Variants in CCDC85A observed in about 807,000 individuals in gnomAD.
The protein encoded by CCDC85A is coiled-coil domain-containing protein 85A.
CCDC85A carries 38 observed loss-of-function variants against 50.2 expected under a neutral mutation model. The ratio of observed to expected loss-of-function variants is 0.76; its 90% confidence interval spans 0.58 to 0.99. The LOEUF is 0.99. Among genes scored for constraint, CCDC85A ranks in the 50% least tolerant of loss-of-function variants. The pLI, the probability that CCDC85A is intolerant of heterozygous loss-of-function variation, is 0.00. For synonymous variants in CCDC85A, 366 were observed against 301.4 expected, an observed-to-expected ratio of 1.21 and a Z score of -2.22; for missense variants, 820 against 742.0, an observed-to-expected ratio of 1.11 and a Z score of -1.22.
intron 3 of CCDC85A, among the ~76,000 whole-genome samples, chr2:56,364,098 A>G (rs1031642034): frequency 6.6e-6 from 1 of 152,212 alleles, no homozygotes; most frequent in Non-Finnish European, 1.5e-5. Flanking sequence ...CTCATTGCCT[A>G]GAAGTAGTTG....
At chr2:56,276,237 A>T (rs903921684) in intron 2 of CCDC85A, among the ~76,000 whole-genome samples, 2 of 152,168 alleles carry the variant, frequency 1.3e-5, no homozygotes, top group Non-Finnish European at 2.9e-5. Context: ...ATTGGCTAAC[A>T]AGGTTATGGA....
chr2:56,211,678 C>T (rs1340729517), intron 2 of CCDC85A, among the ~76,000 whole-genome samples: 2 of 152,042 alleles, frequency 1.3e-5, no homozygotes, highest in African/African-American at 4.8e-5. Flanking sequence ...CTATCCCAGA[C>T]TCTTCCTTAT....
At chr2:56,284,942 A>G (rs72927170) in intron 2 of CCDC85A, among the ~76,000 whole-genome samples, 6,659 of 152,096 alleles carry the variant, frequency 0.044, 468 homozygotes, top group African/African-American at 0.15. Context: ...GATTATTTGC[A>G]TGGTATATAT....
At chr2:56,340,549 C>A (rs1228345816) in intron 2 of CCDC85A, among the ~76,000 whole-genome samples, 1 of 152,208 alleles carries the variant, frequency 6.6e-6, no homozygotes, top group East Asian at 1.9e-4. Flanking sequence ...GAAGCCGAGG[C>A]AAGTTTTAGA....
intron 2 of CCDC85A, among the ~76,000 whole-genome samples, chr2:56,201,133 C>T (rs1480241734): frequency 6.6e-6 from 1 of 151,012 alleles, no homozygotes; most frequent in Non-Finnish European, 1.5e-5. Context: ...CACGTACATA[C>T]ACACAGCATT....
chr2:56,359,266 A>G (rs1339410247), intron 3 of CCDC85A, among the ~76,000 whole-genome samples: 1 of 152,046 alleles, frequency 6.6e-6, no homozygotes, highest in South Asian at 2.1e-4. Flanking sequence ...GAGGCAAGGT[A>G]TTTTTTTCTA....
chr2:56,275,903 T>G (rs973816404), intron 2 of CCDC85A, among the ~76,000 whole-genome samples: 3 of 152,270 alleles, frequency 2.0e-5, no homozygotes, highest in Admixed American at 2.0e-4. Context: ...GACCTTTTGT[T>G]TTGGTATTTT....
intron 2 of CCDC85A, among the ~76,000 whole-genome samples, chr2:56,202,457 G>A (rs1421203264): frequency 6.6e-6 from 1 of 152,118 alleles, no homozygotes; most frequent in Non-Finnish European, 1.5e-5. Flanking sequence ...TCTGACCTTA[G>A]TCTGGTCCTT....
chr2:56,303,845 A>G (rs1305580952), intron 2 of CCDC85A, among the ~76,000 whole-genome samples: 1 of 152,128 alleles, frequency 6.6e-6, no homozygotes, highest in Non-Finnish European at 1.5e-5. Flanking sequence ...TGGACAAGCA[A>G]TATGTTGGTT....
At chr2:56,294,765 A>C (rs1330657244) in intron 2 of CCDC85A, among the ~76,000 whole-genome samples, 1 of 152,172 alleles carries the variant, frequency 6.6e-6, no homozygotes, top group Non-Finnish European at 1.5e-5. Context: ...TGCAGAGGAG[A>C]ACTGCCAGAA....
At chr2:56,284,170 A>G (rs566080748) in intron 2 of CCDC85A, among the ~76,000 whole-genome samples, 135 of 152,186 alleles carry the variant, frequency 8.9e-4, no homozygotes, top group African/African-American at 3.1e-3. Context: ...GCATTGCTAG[A>G]TATCCTTATT....
intron 2 of CCDC85A, among the ~76,000 whole-genome samples, chr2:56,298,404 A>T (rs1471583958): frequency 6.6e-6 from 1 of 152,196 alleles, no homozygotes; most frequent in African/African-American, 2.4e-5. Context: ...CAATCAAATT[A>T]TAGGCTGCGT....
At chr2:56,256,760 T>TA (rs1376270325) in intron 2 of CCDC85A, among the ~76,000 whole-genome samples, 1 of 152,228 alleles carries the variant, frequency 6.6e-6, no homozygotes, top group Non-Finnish European at 1.5e-5. Context: ...GACTGCCACT[T>TA]ACATTTGGTA....
At position 56,352,072 on chromosome 2, in the gene CCDC85A, G is replaced by A. The variant is rs188782080; in HGVS notation, c.1317+9117G>A. On this transcript the variant is annotated intron_variant, in intron 3 of 5. Coordinates refer to ENST00000407595, the MANE Select transcript of CCDC85A (RefSeq NM_001080433.2). The stretch of plus-strand genomic sequence containing the variant: ...ATCCAGTTCCTACAAGGAGATTTAG[G>A]CACTTTTCATTTAAAAGTTTTCTAC... Among the ~76,000 whole-genome samples the A allele has an allele frequency of 5.9e-5, 9 of 152,190 alleles. No homozygotes were observed. The East Asian group carries it at 1.4e-3, about 23-fold the overall frequency.
At chr2:56,201,063 A>G (rs1676714198) in intron 2 of CCDC85A, among the ~76,000 whole-genome samples, 1 of 133,986 alleles carries the variant, frequency 7.5e-6, no homozygotes, top group Non-Finnish European at 1.6e-5. Flanking sequence ...TATTTCAATT[A>G]TTTCATCTCT....
chr2:56,319,292 C>A (rs1489648547), intron 2 of CCDC85A, among the ~76,000 whole-genome samples: 1 of 152,024 alleles, frequency 6.6e-6, no homozygotes, highest in Non-Finnish European at 1.5e-5. Context: ...GTGCCCAAGT[C>A]CACAGAGTAC....
At chr2:56,260,762 C>G (rs1670183506) in intron 2 of CCDC85A, among the ~76,000 whole-genome samples, 1 of 152,152 alleles carries the variant, frequency 6.6e-6, no homozygotes, top group Non-Finnish European at 1.5e-5. Flanking sequence ...CAGGTTATTA[C>G]TTTAGTAAAG....
intron 2 of CCDC85A, among the ~76,000 whole-genome samples, chr2:56,197,481 C>G (rs971865794): frequency 1.3e-5 from 2 of 152,136 alleles, no homozygotes; most frequent in Admixed American, 6.6e-5. Flanking sequence ...TGAAAAAATA[C>G]TGGTGGCTGA....
rs374365750 is a variant in CCDC85A at position 56,344,484 on chromosome 2, G to A, written c.1317+1529G>A. 1.6e-4 allele frequency among the ~76,000 whole-genome samples: 24 copies of A among 152,184 alleles called. 1 individual carries two copies. Among genetic ancestry groups the A allele is most frequent in the Middle Eastern group, 6.8e-3 (2 of 294 alleles). The stretch of plus-strand genomic sequence containing the variant: ...GGAATTTTCCATTTAATATTTTTGG[G>A]CCCTGATTGACTACAAGTAACAGAA... On this transcript the variant is annotated intron_variant, in intron 3 of 5. Coordinates refer to ENST00000407595, the MANE Select transcript of CCDC85A (RefSeq NM_001080433.2).
Sources: gnomAD v4.1 joint callset for allele counts (sites outside exome capture counted in the v4.1 genomes callset) on GRCh38, gnomAD v4.1.1 for gene constraint, MANE v1.5 for transcripts, NCBI Gene and HGNC (gene_info 2026-07-23, HGNC 2026-07-21) for gene names.